Variants in ACYP2 observed in about 807,000 individuals in gnomAD.
ACYP2 encodes the protein acylphosphatase-2.
ACYP2 carries 12 observed loss-of-function variants against 11.2 expected under a neutral mutation model. The observed-to-expected ratio is 1.08, with a 90% CI of 0.69 to 1.74. The LOEUF (loss-of-function observed/expected upper bound fraction) is 1.74, where lower values mean the gene tolerates loss of function less well. Ranked by LOEUF, ACYP2 falls within the 40% of genes most tolerant of loss-of-function variation. The probability of loss-of-function intolerance (pLI) is 0.00; values close to 1 mark genes in which losing one functional copy is unlikely to be tolerated. For synonymous variants in ACYP2, 43 were observed against 32.2 expected, an observed-to-expected ratio of 1.33 and a Z score of -1.13; for missense variants, 134 against 101.9, an observed-to-expected ratio of 1.31 and a Z score of -1.35.
At chr2:54,031,537 TG>T (rs1674586674) in intron 2 of ACYP2, among the ~76,000 whole-genome samples, 1 of 152,236 alleles carries the variant, frequency 6.6e-6, no homozygotes, top group Non-Finnish European at 1.5e-5. Context: ...GATGGACATT[TG>T]GGTTGGTTCC....
chr2:54,129,960 T>G (rs996845542), intron 4 of ACYP2, among the ~76,000 whole-genome samples: 4 of 150,360 alleles, frequency 2.7e-5, no homozygotes, highest in Admixed American at 2.0e-4. Context: ...TATTATAGGA[T>G]AGTTAAATAT....
chr2:54,033,448 A>G (rs1452743612), intron 2 of ACYP2, among the ~76,000 whole-genome samples: 2 of 152,030 alleles, frequency 1.3e-5, no homozygotes, highest in East Asian at 1.9e-4. Context: ...CTTGGGCTCA[A>G]GCAAACTTCC....
chr2:54,280,487 G>C (rs562651970), intron 6 of ACYP2, among the ~76,000 whole-genome samples: 47 of 152,232 alleles, frequency 3.1e-4, no homozygotes, highest in Non-Finnish European at 7.4e-5. Flanking sequence ...GTCATTCAGA[G>C]AGTAAATCAA....
chr2:53,974,960 T>C (rs1209259104), intron 2 of ACYP2, among the ~76,000 whole-genome samples: 1 of 152,154 alleles, frequency 6.6e-6, no homozygotes, highest in African/African-American at 2.4e-5. Flanking sequence ...AAGGGAAAGA[T>C]GAAAGGATTC....
chr2:54,286,358 T>C (rs1689076957), intron 6 of ACYP2, among the ~76,000 whole-genome samples: 1 of 152,000 alleles, frequency 6.6e-6, no homozygotes, highest in Admixed American at 6.5e-5. Context: ...ATTCAACATT[T>C]GAAGTAAGAT....
chr2:54,004,706 A>G (rs1307169221), intron 2 of ACYP2, among the ~76,000 whole-genome samples: 1 of 151,910 alleles, frequency 6.6e-6, no homozygotes, highest in East Asian at 1.9e-4. Context: ...CACCGCGCTC[A>G]GCCAGTTTAC....
intron 6 of ACYP2, among the ~76,000 whole-genome samples, chr2:54,304,425 G>A (rs1689840456): frequency 6.6e-6 from 1 of 152,108 alleles, no homozygotes; most frequent in Non-Finnish European, 1.5e-5. Flanking sequence ...AAGTTGGCGG[G>A]TGGGGGAGAT....
At chr2:54,252,500 C>G (rs1558644434) in intron 6 of ACYP2, among the ~76,000 whole-genome samples, 1 of 152,126 alleles carries the variant, frequency 6.6e-6, no homozygotes, top group Non-Finnish European at 1.5e-5. Context: ...CTCCCATAAA[C>G]AGTATATGGG....
intron 4 of ACYP2, among the ~76,000 whole-genome samples, chr2:54,106,449 G>A (rs1362966852): frequency 6.6e-6 from 1 of 152,092 alleles, no homozygotes; most frequent in South Asian, 2.1e-4. Context: ...CTATGTCCAC[G>A]TAAAAACCAT....
At chr2:54,050,264 T>C (rs1240514004) in intron 2 of ACYP2, among the ~76,000 whole-genome samples, 1 of 152,130 alleles carries the variant, frequency 6.6e-6, no homozygotes, top group African/African-American at 2.4e-5. Context: ...AGTCGCAAAG[T>C]CTTGCAGGTG....
intron 6 of ACYP2, among the ~76,000 whole-genome samples, chr2:54,227,876 C>A (rs1422907616): frequency 6.6e-6 from 1 of 152,162 alleles, no homozygotes; most frequent in Admixed American, 6.5e-5. Flanking sequence ...TGAAGTCTTG[C>A]AGGAATGGAC....
intron 6 of ACYP2, among the ~76,000 whole-genome samples, chr2:54,231,025 T>A (rs1686213985): frequency 6.6e-6 from 1 of 151,874 alleles, no homozygotes; most frequent in Non-Finnish European, 1.5e-5. Flanking sequence ...GAGACGGGGT[T>A]TCACCATGTT....
At chr2:54,179,269 A>T (rs1683603342) in intron 6 of ACYP2, among the ~76,000 whole-genome samples, 1 of 151,880 alleles carries the variant, frequency 6.6e-6, no homozygotes, top group Non-Finnish European at 1.5e-5. Context: ...GGGGAGGAGC[A>T]TCTCCCCACC....
chr2:54,222,504 T>G (rs1208556685), intron 6 of ACYP2, among the ~76,000 whole-genome samples: 1 of 149,596 alleles, frequency 6.7e-6, no homozygotes, highest in African/African-American at 2.5e-5. Context: ...GAGCCAAGAT[T>G]GGGCCACTGC....
At chr2:54,214,371 T>C (rs951612719) in intron 6 of ACYP2, among the ~76,000 whole-genome samples, 3 of 152,254 alleles carry the variant, frequency 2.0e-5, no homozygotes, top group Admixed American at 1.3e-4. Context: ...TTTATAGTTA[T>C]ACATTTCACG....
At chr2:54,049,806 C>T (rs572411646) in intron 2 of ACYP2, among the ~76,000 whole-genome samples, 2 of 152,308 alleles carry the variant, frequency 1.3e-5, no homozygotes, top group African/African-American at 4.8e-5. Flanking sequence ...CTCCACATCC[C>T]TCTTGTTTTC....
At position 54,276,659 on chromosome 2, in the gene ACYP2, ACAC is replaced by A. The variant is rs1558662923; in HGVS notation, c.405-28025_405-28023del. 2.2e-3 allele frequency among the ~76,000 whole-genome samples: 318 copies of A among 146,424 alleles called. 3 individuals carry two copies. The highest frequency in any genetic ancestry group is 8.1e-3 in the African/African-American group (300 of 37,130). ...CACACACACACACACACACACACACACACCACACACAAGAAAAATTGTTTTTTT... is the reference window on the plus strand; with the variant it reads ...CACACACACACACACACACACACACACACACACAAGAAAAATTGTTTTTTT... On this transcript the variant is annotated intron_variant, in intron 6 of 6. Coordinates refer to ENST00000607452, the MANE Select transcript of ACYP2 (RefSeq NM_001320586.2).
intron 4 of ACYP2, among the ~76,000 whole-genome samples, chr2:54,130,931 G>C (rs1213989425): frequency 3.3e-5 from 5 of 152,172 alleles, no homozygotes; most frequent in African/African-American, 4.8e-5. Flanking sequence ...AAGAGTGATT[G>C]TCTGTCATGT....
rs542489288 is a variant in ACYP2 at position 54,255,383 on chromosome 2, G to A, written c.405-49305G>A. On this transcript the variant is annotated intron_variant, in intron 6 of 6. Coordinates refer to ENST00000607452, the MANE Select transcript of ACYP2 (RefSeq NM_001320586.2). Reference sequence around the variant, plus strand: ...ATGGCAGACAGCTGTGGGTGGTGGCGGAAAGCAGTGACCCAGAAGCCCGGG... The same window carrying A: ...ATGGCAGACAGCTGTGGGTGGTGGCAGAAAGCAGTGACCCAGAAGCCCGGG... 5.6e-6 allele frequency: 9 copies of A among 1,614,062 alleles called. No homozygotes were observed. The East Asian group carries it at 6.7e-5, about 12-fold the overall frequency.
Sources: allele counts gnomAD v4.1 joint callset (sites outside exome capture counted in the v4.1 genomes callset), GRCh38; gene constraint gnomAD v4.1.1; transcripts MANE v1.5; gene names NCBI Gene and HGNC (gene_info 2026-07-23, HGNC 2026-07-21).